The following EHD4 variants were observed in gnomAD, a reference collection of about 807,000 sequenced individuals.
EHD4 encodes the protein EH domain containing 4, also known as EH domain-containing protein 4.
A neutral mutation model predicts 51.0 loss-of-function variants in EHD4; 37 were observed. The ratio of observed to expected loss-of-function variants is 0.73; its 90% CI spans 0.56 to 0.95. The LOEUF (loss-of-function observed/expected upper bound fraction) is 0.95, where lower values mean the gene tolerates loss of function less well. Among genes scored for constraint, EHD4 ranks in the 40% least tolerant of loss-of-function variants. The pLI is 0.00. For synonymous variants in EHD4, 297 were observed against 317.3 expected, an observed-to-expected ratio of 0.94 and a Z score of 0.68; for missense variants, 632 against 733.1, an observed-to-expected ratio of 0.86 and a Z score of 1.59.
intron 4 of EHD4, among the ~76,000 whole-genome samples, chr15:41,914,207 G>C (rs1019427897): frequency 2.0e-5 from 3 of 152,202 alleles, no homozygotes; most frequent in Non-Finnish European, 4.4e-5. Context: ...GCAGTAGTTT[G>C]GGGAAGGCGG....
intron 4 of EHD4, among the ~76,000 whole-genome samples, chr15:41,914,826 C>T (rs2067573165): frequency 6.6e-6 from 1 of 150,418 alleles, no homozygotes; most frequent in African/African-American, 2.5e-5. Context: ...TGCTTTGTCG[C>T]CCAGGCTGGA....
Position 41,898,957 on chromosome 15 carries a change from A to T in EHD4, c.*1688T>A, listed in dbSNP as rs1211064845. On this transcript the variant is annotated 3_prime_UTR_variant, in exon 6 of 6. Coordinates refer to ENST00000220325, the MANE Select transcript of EHD4 (RefSeq NM_139265.4). ...TGCTCTTAAAACTAAATTATGTAGAAAGTAAGCTAGGGAGTGTAAGGGTAG... is the reference window on the plus strand; with the variant it reads ...TGCTCTTAAAACTAAATTATGTAGATAGTAAGCTAGGGAGTGTAAGGGTAG... The T allele has an allele frequency of 6.6e-6, 1 of 152,202 alleles. No homozygotes were observed. The highest frequency in any genetic ancestry group is 6.5e-5 in the Admixed American group (1 of 15,286). The allele number at this position is 152,202 out of a possible 1,614,324, so 9.4% of individuals were successfully genotyped here.
At chr15:41,914,785 ATTTT>A (rs10713712) in intron 4 of EHD4, among the ~76,000 whole-genome samples, 6 of 126,514 alleles carry the variant, frequency 4.7e-5, no homozygotes, top group Admixed American at 8.1e-5. Flanking sequence ...TTACAGGAGA[ATTTT>A]TTTTTTTTTT....
chr15:41,932,722 C>T (rs1448695149), intron 3 of EHD4, among the ~76,000 whole-genome samples: 1 of 152,182 alleles, frequency 6.6e-6, no homozygotes, highest in Admixed American at 6.5e-5. Context: ...TTTCCCACCT[C>T]CAGCCCTTGT....
At chr15:41,917,921 C>T (rs987660667) in intron 4 of EHD4, among the ~76,000 whole-genome samples, 26 of 152,306 alleles carry the variant, frequency 1.7e-4, no homozygotes, top group East Asian at 1.2e-3. Flanking sequence ...TGCATGCACA[C>T]GCACTGGGAC....
chr15:41,912,406 T>G (rs1567245075), intron 4 of EHD4, among the ~76,000 whole-genome samples: 5 of 152,096 alleles, frequency 3.3e-5, no homozygotes, highest in Admixed American at 2.0e-4. Flanking sequence ...CAGAAGTTCA[T>G]CAAGTTGGCC....
At chr15:41,961,251 C>A (rs371055331) in intron 1 of EHD4, among the ~76,000 whole-genome samples, 27 of 152,312 alleles carry the variant, frequency 1.8e-4, no homozygotes, top group South Asian at 1.7e-3. Context: ...ACTGCCATTA[C>A]CTGTAAGTTG....
rs556135212 is a variant in EHD4 at position 41,951,681 on chromosome 15, C to T, written c.413+2083G>A. Among the ~76,000 whole-genome samples the T allele has an allele frequency of 7.2e-4, 110 of 152,302 alleles. 2 individuals carry two copies. Among genetic ancestry groups the T allele is most frequent in the Non-Finnish European group, 4.1e-4 (28 of 68,010 alleles). On this transcript the variant is annotated intron_variant, in intron 2 of 5. Coordinates refer to ENST00000220325, the MANE Select transcript of EHD4 (RefSeq NM_139265.4). ...ACCAGAGGACCCCAGGGAAGCCTTC[C>T]ACAGAGACAGATCCTGTGCCTTGAA...
chr15:41,969,625 C>A (rs931389709), intron 1 of EHD4, among the ~76,000 whole-genome samples: 2 of 152,220 alleles, frequency 1.3e-5, no homozygotes, highest in Non-Finnish European at 2.9e-5. Context: ...CTTCACAGCA[C>A]CTGGGGCCAG....
chr15:41,910,198 G>C (rs2067540065), intron 4 of EHD4, among the ~76,000 whole-genome samples: 3 of 152,220 alleles, frequency 2.0e-5, no homozygotes. Context: ...AGTTTCACCA[G>C]GCTGGTGCCT....
At chr15:41,968,940 C>T (rs1000096670) in intron 1 of EHD4, among the ~76,000 whole-genome samples, 1 of 152,206 alleles carries the variant, frequency 6.6e-6, no homozygotes. Flanking sequence ...CAGTCATTCT[C>T]TATTTCGTTT....
At chr15:41,945,737 G>A (rs926365641) in intron 2 of EHD4, among the ~76,000 whole-genome samples, 16 of 152,260 alleles carry the variant, frequency 1.1e-4, no homozygotes. Context: ...TCCTAATGGT[G>A]TTCTAGCAAT....
intron 4 of EHD4, among the ~76,000 whole-genome samples, chr15:41,918,440 T>C (rs2067600406): frequency 6.6e-6 from 1 of 152,230 alleles, no homozygotes. Flanking sequence ...CATGCACATA[T>C]TTTTTAAAGA....
At chr15:41,921,929 C>A (rs1034691374) in intron 3 of EHD4, among the ~76,000 whole-genome samples, 1 of 152,186 alleles carries the variant, frequency 6.6e-6, no homozygotes, top group Non-Finnish European at 1.5e-5. Flanking sequence ...GGGGAAATGA[C>A]ACGAAGACAC....
chr15:41,919,732 T>C, intron 3 of EHD4, 110 bp from the exon 4 acceptor site: 1 of 1,087,656 alleles, frequency 9.2e-7, no homozygotes, highest in Non-Finnish European at 1.2e-6. Flanking sequence ...GAGAGCCCTG[T>C]CTCCAACCTG....
intron 2 of EHD4, among the ~76,000 whole-genome samples, chr15:41,944,820 A>C (rs2067800496): frequency 6.6e-6 from 1 of 152,198 alleles, no homozygotes; most frequent in African/African-American, 2.4e-5. Context: ...TCATAACATT[A>C]AAAGTAAAGG....
chr15:41,945,470 AG>A (rs1566824654), intron 2 of EHD4, among the ~76,000 whole-genome samples: 1 of 152,232 alleles, frequency 6.6e-6, no homozygotes, highest in African/African-American at 2.4e-5. Context: ...CGAGGAGCCC[AG>A]GATGGCTGAA....
At chr15:41,940,816 G>C (rs796210622) in intron 3 of EHD4, among the ~76,000 whole-genome samples, 1 of 152,318 alleles carries the variant, frequency 6.6e-6, no homozygotes, top group African/African-American at 2.4e-5. Flanking sequence ...CAGTTTGAAA[G>C]ACACGATTAC....
intron 5 of EHD4, among the ~76,000 whole-genome samples, chr15:41,901,876 C>T (rs914874556): frequency 6.6e-6 from 1 of 152,170 alleles, no homozygotes; most frequent in East Asian, 1.9e-4. Context: ...AGGAAGGTAT[C>T]GAGGCAGGGC....
Sources: gnomAD v4.1 joint callset for allele counts (sites outside exome capture counted in the v4.1 genomes callset) on GRCh38, gnomAD v4.1.1 for gene constraint, MANE v1.5 for transcripts, NCBI Gene and HGNC (gene_info 2026-07-23, HGNC 2026-07-21) for gene names.